Variants in NRK observed in about 807,000 individuals in gnomAD.
NRK encodes the protein Nik related kinase, also known as nik-related protein kinase.
Under a neutral mutation model 125.2 loss-of-function variants are expected in NRK, and 67 were observed. The ratio of observed to expected loss-of-function variants is 0.54; its 90% CI spans 0.44 to 0.66. NRK has a LOEUF of 0.66. Ranked by LOEUF, NRK falls within the 30% of genes least tolerant of loss-of-function variation. The probability of loss-of-function intolerance (pLI) is 0.00; values close to 1 mark genes in which losing one functional copy is unlikely to be tolerated. For synonymous variants in NRK, 458 were observed against 429.0 expected (o/e 1.07, Z -0.84); for missense variants, 1,224 against 1,192.9 (o/e 1.03, Z -0.38).
intron 2 of NRK, among the ~76,000 whole-genome samples, chrX:105,859,991 C>T (rs778224032): frequency 6.8e-4 from 76 of 112,057 alleles, no homozygotes; most frequent in Middle Eastern, 4.7e-3. Flanking sequence ...AGCTCTCACC[C>T]AGTACCTTGC....
intron 2 of NRK, among the ~76,000 whole-genome samples, chrX:105,877,785 C>T (rs1376403859): frequency 5.4e-5 from 6 of 110,442 alleles, no homozygotes; most frequent in South Asian, 7.7e-4. Context: ...CATTTTCTGA[C>T]GAAATAACTT....
Position 105,909,868 on chromosome X carries a change from A to G in NRK, c.2227A>G (p.Arg743Gly). The G allele has an allele frequency of 1.8e-6, 2 of 1,132,945 alleles. No homozygotes were observed. The highest frequency in any genetic ancestry group is 2.3e-6 in the Non-Finnish European group (2 of 854,091). The allele number at this position is 1,132,945 out of a possible 1,213,427, so 93.4% of individuals were successfully genotyped here. The change falls in exon 13 of 29, where the codon AGA (arginine) becomes GGA (glycine). Residue 743 changes from arginine (R) to glycine (G), a missense_variant. Transcript: ENST00000243300. ...DIFNQHEEEL[R>G]QVDKDKEDES... ...CTTTAATCAGCATGAGGAAGAATTG[A>G]GACAAGTTGATAAAGTAAGAATTTT...
intron 2 of NRK, among the ~76,000 whole-genome samples, chrX:105,847,472 A>G (rs927932260): frequency 1.8e-5 from 2 of 112,402 alleles, no homozygotes; most frequent in Admixed American, 9.4e-5. Context: ...TTTATTACAG[A>G]ATCAGTTTTA....
intron 16 of NRK, among the ~76,000 whole-genome samples, chrX:105,920,369 C>T (rs1432505219): frequency 9.6e-6 from 1 of 104,465 alleles, no homozygotes; most frequent in South Asian, 4.2e-4. Flanking sequence ...ATTGACTTGG[C>T]GATGCGGGCT....
At chrX:105,826,266 TATATA>T (rs2039101606) in intron 1 of NRK, among the ~76,000 whole-genome samples, 1 of 68,411 alleles carries the variant, frequency 1.5e-5, no homozygotes, top group Admixed American at 1.7e-4. Context: ...ATATATTTCA[TATATA>T]ATATATATGA....
At chrX:105,843,709 A>G (rs959404918) in intron 2 of NRK, among the ~76,000 whole-genome samples, 3 of 111,501 alleles carry the variant, frequency 2.7e-5, no homozygotes, top group Non-Finnish European at 5.6e-5. Context: ...GATGGCTTCA[A>G]GAGAGTCTCA....
chrX:105,870,997 G>A (rs1276745564), intron 2 of NRK, among the ~76,000 whole-genome samples: 2 of 111,710 alleles, frequency 1.8e-5, no homozygotes, highest in Non-Finnish European at 3.8e-5. Flanking sequence ...AAAAAAAAAT[G>A]TAGAAGTAAA....
intron 15 of NRK, among the ~76,000 whole-genome samples, chrX:105,916,358 A>G (rs1268372335): frequency 2.7e-5 from 3 of 111,170 alleles, no homozygotes; most frequent in African/African-American, 6.5e-5. Context: ...TCCATATGTC[A>G]GATATTGTGT....
chrX:105,835,176 G>A (rs1456040772), intron 2 of NRK, among the ~76,000 whole-genome samples: 1 of 111,325 alleles, frequency 9.0e-6, no homozygotes, highest in East Asian at 2.8e-4. Flanking sequence ...TTGTTTATAT[G>A]GGAATTCACT....
intron 22 of NRK, among the ~76,000 whole-genome samples, chrX:105,939,192 T>G (rs2147787309): frequency 9.0e-6 from 1 of 111,491 alleles, no homozygotes; most frequent in Non-Finnish European, 1.9e-5. Context: ...ATCCTATTGT[T>G]GGGCCTAGAA....
rs1312219222 is a variant in NRK at position 105,908,267 on chromosome X, A to T, written c.1049A>T (p.Glu350Val). The T allele has an allele frequency of 9.0e-7, 1 of 1,107,007 alleles. No homozygotes were observed. Among genetic ancestry groups the T allele is most frequent in the Admixed American group, 2.8e-5 (1 of 36,301 alleles). 91.2% of individuals were successfully genotyped at this position (1,107,007 alleles called of 1,213,427 possible). A position where few individuals can be genotyped will look rare whatever the true frequency, so the allele number is the denominator to read the frequency against. ...ATACCTTTGATCTTTGAAAGAGAAG[A>T]AGCTATTAAGGAACAGTACACCGTG... ...KGIPLIFERE[E>V]AIKEQYTVRR... The change falls in exon 12 of 29, where the codon GAA becomes GTA. Residue 350 changes from glutamate (E) to valine (V), a missense_variant. Coordinates refer to ENST00000243300, the MANE Select transcript of NRK (RefSeq NM_198465.4).
rs754105875 is a variant in NRK at position 105,908,738 on chromosome X, G to A, written c.1097G>A (p.Cys366Tyr). Residue 366 changes from cysteine to tyrosine, a missense_variant, in exon 13 of 29, where the codon TGC becomes TAC. By Grantham distance (194) the Cys-to-Tyr change is radical. Transcript: ENST00000243300. Reference sequence around the variant, plus strand: ...TGTGTTTATTTTAGAGGACCCTCTTGCACTCACGAGCTTCTGAGATTGCCA... The same window carrying A: ...TGTGTTTATTTTAGAGGACCCTCTTACACTCACGAGCTTCTGAGATTGCCA... ...YTVRRFRGPS[C>Y]THELLRLPTS... 1.9e-5 allele frequency: 23 copies of A among 1,193,863 alleles called. No individual in the cohort carries two copies. Among genetic ancestry groups the A allele is most frequent in the Non-Finnish European group, 2.6e-5 (23 of 884,364 alleles).
intron 18 of NRK, 40 bp downstream of exon 18, chrX:105,923,522 G>T: frequency 1.0e-6 from 1 of 999,727 alleles, no homozygotes; most frequent in South Asian, 2.8e-5. Context: ...CATGTTTTAT[G>T]ACTGCAGAGC....
chrX:105,880,337 T>C, intron 3 of NRK, 82 bp downstream of exon 3: 1 of 345,706 alleles, frequency 2.9e-6, no homozygotes, highest in Non-Finnish European at 5.0e-6. Flanking sequence ...ATTGTATTTG[T>C]TTTTAAATCA....
chrX:105,897,291 T>C (rs2040097137), intron 7 of NRK, among the ~76,000 whole-genome samples: 1 of 112,641 alleles, frequency 8.9e-6, no homozygotes, highest in Admixed American at 9.4e-5. Context: ...ATAGTTGTTT[T>C]TAAGCAACAT....
upstream of NRK, chrX:105,822,496 C>T (rs1009355437): frequency 1.5e-4 from 44 of 286,565 alleles, no homozygotes; most frequent in Non-Finnish European, 2.5e-4. Flanking sequence ...TCTCCTTGCA[C>T]CGCCCCCCTC....
chrX:105,822,939 TC>T, intron 1 of NRK, 37 bp downstream of exon 1: 1 of 1,104,742 alleles, frequency 9.1e-7, no homozygotes, highest in Non-Finnish European at 1.2e-6. Flanking sequence ...CGAAATGCTC[TC>T]TTTTGGCGGG....
intron 11 of NRK, among the ~76,000 whole-genome samples, chrX:105,907,003 A>G (rs1215451597): frequency 9.0e-6 from 1 of 111,046 alleles, no homozygotes; most frequent in Non-Finnish European, 1.9e-5. Flanking sequence ...AGATAAATGG[A>G]TTTGTAATTA....
intron 24 of NRK, 47 bp from the exon 25 acceptor site, chrX:105,945,825 C>CAGT: frequency 8.9e-7 from 1 of 1,126,649 alleles, no homozygotes; most frequent in Non-Finnish European, 1.2e-6. Flanking sequence ...AGTACATACC[C>CAGT]AGTATATGGT....
Sources: allele counts gnomAD v4.1 joint callset (sites outside exome capture counted in the v4.1 genomes callset), GRCh38; gene constraint gnomAD v4.1.1; transcripts MANE v1.5; gene names NCBI Gene and HGNC (gene_info 2026-07-23, HGNC 2026-07-21).